The following IL1RAP variants were observed in gnomAD, a reference collection of about 807,000 sequenced individuals.
The protein encoded by IL1RAP is interleukin-1 receptor accessory protein.
In IL1RAP, 35 loss-of-function variants were observed where a neutral mutation model predicts 60.7. The ratio of observed to expected loss-of-function variants is 0.58; its 90% CI spans 0.44 to 0.76. The LOEUF (loss-of-function observed/expected upper bound fraction) is 0.76. Ranked by LOEUF, IL1RAP falls within the 30% of genes least tolerant of loss-of-function variation. The pLI, the probability that IL1RAP is intolerant of heterozygous loss-of-function variation, is 0.00. For synonymous variants in IL1RAP, 268 were observed against 250.9 expected (o/e 1.07, Z -0.64); for missense variants, 572 against 693.9 (o/e 0.82, Z 1.97).
intron 5 of IL1RAP, among the ~76,000 whole-genome samples, chr3:190,617,130 G>A (rs975560907): frequency 6.6e-6 from 1 of 152,086 alleles, no homozygotes; most frequent in Non-Finnish European, 1.5e-5. Flanking sequence ...TCTTCATTAA[G>A]TTTTTCTAAG....
At position 190,574,341 on chromosome 3, in the gene IL1RAP, A is replaced by G. The variant is rs567726696; in HGVS notation, c.64+9988A>G. On this transcript the variant is annotated intron_variant, in intron 3 of 11. Transcript: ENST00000447382. ...GTTTATACAAATTTTCTCAAAGGAA[A>G]GCAGTTCTATACAGGAAGAAGATTG... 5.9e-5 allele frequency among the ~76,000 whole-genome samples: 9 copies of G among 152,336 alleles called. No homozygotes were observed. The South Asian group carries it at 1.7e-3, about 28-fold the overall frequency.
intron 3 of IL1RAP, among the ~76,000 whole-genome samples, chr3:190,574,477 TC>T (rs1174593124): frequency 7.9e-5 from 12 of 152,164 alleles, no homozygotes; most frequent in African/African-American, 2.7e-4. Context: ...TCATATGGCT[TC>T]CCCTGTGGCT....
chr3:190,639,506 G>A (rs1337464675), intron 9 of IL1RAP, among the ~76,000 whole-genome samples: 1 of 151,934 alleles, frequency 6.6e-6, no homozygotes, highest in African/African-American at 2.4e-5. Flanking sequence ...TGTTCACAAT[G>A]TTCATGGTTT....
In IL1RAP at chr3:190,650,651, T is replaced by C; in HGVS notation, c.*1946T>C. The C allele has an allele frequency of 1.1e-6, 1 of 906,756 alleles. No individual in the cohort carries two copies. The highest frequency in any genetic ancestry group is 1.3e-6 in the Non-Finnish European group (1 of 758,346). 56.2% of individuals were successfully genotyped at this position (906,756 alleles called of 1,614,324 possible). A position where few individuals can be genotyped will look rare whatever the true frequency, so the allele number is the denominator to read the frequency against. On this transcript the variant is annotated 3_prime_UTR_variant, in exon 12 of 12. Coordinates refer to ENST00000447382, the MANE Select transcript of IL1RAP (RefSeq NM_002182.4). Reference sequence around the variant, plus strand: ...ATAAGTGTTATTGATTATTTTAAATTGAAAAAAGTTTCACTTGGATGAAAA... The same window carrying C: ...ATAAGTGTTATTGATTATTTTAAATCGAAAAAAGTTTCACTTGGATGAAAA...
At chr3:190,583,141 C>A (rs1560188676) in intron 3 of IL1RAP, among the ~76,000 whole-genome samples, 1 of 152,182 alleles carries the variant, frequency 6.6e-6, no homozygotes, top group Non-Finnish European at 1.5e-5. Context: ...ACTCCAATAG[C>A]AATTGTTGTT....
chr3:190,613,635 C>A (rs1731013148), intron 5 of IL1RAP, among the ~76,000 whole-genome samples: 1 of 152,016 alleles, frequency 6.6e-6, no homozygotes, highest in South Asian at 2.1e-4. Flanking sequence ...AAAAGGCAAA[C>A]AACATGGCCA....
chr3:190,565,380 A>G (rs1350627271), intron 3 of IL1RAP, among the ~76,000 whole-genome samples: 5 of 152,200 alleles, frequency 3.3e-5, no homozygotes, highest in East Asian at 1.9e-4. Flanking sequence ...TAGCTACCAT[A>G]TAACCATGAC....
At chr3:190,554,113 T>G (rs1725179973) in intron 1 of IL1RAP, among the ~76,000 whole-genome samples, 1 of 151,148 alleles carries the variant, frequency 6.6e-6, no homozygotes, top group East Asian at 1.9e-4. Context: ...AGAGATTTCT[T>G]GTTTTGCATC....
intron 3 of IL1RAP, among the ~76,000 whole-genome samples, chr3:190,569,833 C>T (rs1726759429): frequency 1.3e-5 from 2 of 152,128 alleles, no homozygotes; most frequent in Admixed American, 6.5e-5. Context: ...TTTGTAGGAA[C>T]TCCTGCATAC....
chr3:190,564,472 C>A, intron 3 of IL1RAP, 119 bp downstream of exon 3: 1 of 722,246 alleles, frequency 1.4e-6, no homozygotes, highest in South Asian at 1.5e-5. Flanking sequence ...TTGTCTTCTG[C>A]GGTAGCAAAT....
intron 3 of IL1RAP, among the ~76,000 whole-genome samples, chr3:190,590,127 C>T (rs573204144): frequency 3.9e-5 from 6 of 152,258 alleles, no homozygotes; most frequent in Middle Eastern, 6.8e-3. Flanking sequence ...GTGGCATTTT[C>T]GTGTATCATC....
rs1418875869 is a variant in IL1RAP at position 190,648,704 on chromosome 3, GA to G, written c.*2del. The G allele has an allele frequency of 6.2e-7, 1 of 1,606,860 alleles. No homozygotes were observed. The highest frequency in any genetic ancestry group is 1.1e-5 in the South Asian group (1 of 90,070). Reference sequence around the variant, plus strand: ...TCGTATTCATCTTTGAAAAATGTATGAAAGGAATAATGAAAAGGGTAAAAAG... The same window carrying G: ...TCGTATTCATCTTTGAAAAATGTATGAAGGAATAATGAAAAGGGTAAAAAG... The part of the protein sequence containing the change: ...GLSYSSLKNV[*>X] On this transcript the variant is annotated frameshift_variant and stop_lost, in exon 12 of 12. Transcript: ENST00000447382. LOFTEE classifies it high-confidence loss of function.
intron 1 of IL1RAP, among the ~76,000 whole-genome samples, chr3:190,554,469 A>G (rs977967180): frequency 1.3e-5 from 2 of 152,130 alleles, no homozygotes; most frequent in Non-Finnish European, 2.9e-5. Context: ...GACCCTTTAT[A>G]TTTGGCTGTC....
intron 3 of IL1RAP, among the ~76,000 whole-genome samples, chr3:190,581,025 T>C (rs1426104488): frequency 6.6e-6 from 1 of 152,170 alleles, no homozygotes; most frequent in East Asian, 1.9e-4. Flanking sequence ...GAAGAGGTCA[T>C]TGTGAATTCA....
intron 9 of IL1RAP, chr3:190,630,031 C>T (rs566406483): frequency 1.6e-5 from 13 of 818,982 alleles, no homozygotes; most frequent in Non-Finnish European, 1.9e-5. Context: ...TAATAGCAGC[C>T]ATCCAATTGT....
chr3:190,591,865 G>A (rs1728968935), intron 3 of IL1RAP, among the ~76,000 whole-genome samples: 1 of 152,094 alleles, frequency 6.6e-6, no homozygotes, highest in South Asian at 2.1e-4. Context: ...AGTGTACTGT[G>A]TCACACTTGA....
intron 1 of IL1RAP, among the ~76,000 whole-genome samples, chr3:190,534,930 A>AG (rs201455598): frequency 0.054 from 7,975 of 149,062 alleles, 272 homozygotes; most frequent in Non-Finnish European, 0.071. Flanking sequence ...AAAAAAAAAA[A>AG]AAAAGAAAAC....
chr3:190,603,180 T>C (rs910123161), intron 3 of IL1RAP, among the ~76,000 whole-genome samples: 3 of 152,206 alleles, frequency 2.0e-5, no homozygotes, highest in Non-Finnish European at 4.4e-5. Context: ...GCAGAGGATG[T>C]GGATACAGGG....
chr3:190,630,609 G>A (rs369643402), intron 9 of IL1RAP, among the ~76,000 whole-genome samples: 4 of 152,160 alleles, frequency 2.6e-5, no homozygotes, highest in Non-Finnish European at 2.9e-5. Context: ...TATATGCTGC[G>A]TATGAAGTAC....
Sources: allele counts gnomAD v4.1 joint callset (sites outside exome capture counted in the v4.1 genomes callset), GRCh38; gene constraint gnomAD v4.1.1; transcripts MANE v1.5; gene names NCBI Gene and HGNC (gene_info 2026-07-23, HGNC 2026-07-21).